The following AKAIN1 variants were observed in gnomAD, a reference collection of about 807,000 sequenced individuals.
AKAIN1 encodes the protein A-kinase anchor inhibitor 1, also known as A-kinase anchor protein inhibitor 1.
In AKAIN1, 3 loss-of-function variants were observed where a neutral mutation model predicts 3.7. The observed-to-expected ratio is 0.82, with a 90% CI of 0.37 to 2.12. The LOEUF is 2.12. Among genes scored for constraint, AKAIN1 ranks in the 30% most tolerant of loss-of-function variants. AKAIN1 has a pLI of 0.06. For missense variants in AKAIN1, 82 were observed against 82.7 expected, an observed-to-expected ratio of 0.99 and a Z score of 0.03; for synonymous variants, 31 against 30.8, an observed-to-expected ratio of 1.01 and a Z score of -0.02.
intron 1 of AKAIN1, among the ~76,000 whole-genome samples, chr18:5,177,478 G>GTA (rs2071233064): frequency 6.6e-6 from 1 of 151,304 alleles, no homozygotes; most frequent in Non-Finnish European, 1.5e-5. Flanking sequence ...TTACATACAT[G>GTA]TTTTCTATTT....
chr18:5,180,338 C>T (rs1323950856), intron 1 of AKAIN1, among the ~76,000 whole-genome samples: 2 of 152,196 alleles, frequency 1.3e-5, no homozygotes, highest in Non-Finnish European at 2.9e-5. Context: ...AGCTCCATTC[C>T]CACCAAGGCT....
At chr18:5,153,911 C>A (rs920228564) in intron 1 of AKAIN1, among the ~76,000 whole-genome samples, 1 of 151,836 alleles carries the variant, frequency 6.6e-6, no homozygotes, top group Non-Finnish European at 1.5e-5. Flanking sequence ...GGGAAGGGGG[C>A]ATATAAGAAA....
chr18:5,165,626 G>A (rs1272508376), intron 1 of AKAIN1, among the ~76,000 whole-genome samples: 2 of 151,936 alleles, frequency 1.3e-5, no homozygotes, highest in Non-Finnish European at 2.9e-5. Flanking sequence ...CGTCAAATAT[G>A]GCCTAAAAGG....
intron 1 of AKAIN1, among the ~76,000 whole-genome samples, chr18:5,184,226 G>A (rs1276672329): frequency 1.3e-5 from 2 of 152,020 alleles, no homozygotes; most frequent in African/African-American, 4.8e-5. Context: ...ATAAATTTTA[G>A]GGAGTAGGCA....
At chr18:5,159,986 A>G (rs956746117) in intron 1 of AKAIN1, among the ~76,000 whole-genome samples, 3 of 152,228 alleles carry the variant, frequency 2.0e-5, no homozygotes, top group Non-Finnish European at 4.4e-5. Context: ...TGAATAGACC[A>G]CAATGTTTCC....
chr18:5,175,709 T>C (rs1452520077), intron 1 of AKAIN1, among the ~76,000 whole-genome samples: 1 of 152,196 alleles, frequency 6.6e-6, no homozygotes, highest in Non-Finnish European at 1.5e-5. Flanking sequence ...ACTCAACTTG[T>C]ACAATTTTAG....
chr18:5,145,780 G>A (rs1402057651), intron 1 of AKAIN1, 25 bp from the exon 2 acceptor site: 10 of 1,536,258 alleles, frequency 6.5e-6, no homozygotes, highest in Non-Finnish European at 8.8e-6. Flanking sequence ...GAAAAGGAGG[G>A]GAAAAGGAGA....
intron 1 of AKAIN1, among the ~76,000 whole-genome samples, chr18:5,176,620 G>C (rs756824851): frequency 6.6e-6 from 1 of 152,076 alleles, no homozygotes; most frequent in African/African-American, 2.4e-5. Context: ...CCCAATGTTT[G>C]GTGTTTTTCT....
At chr18:5,146,352 C>T (rs1304842516) in intron 1 of AKAIN1, among the ~76,000 whole-genome samples, 1 of 152,184 alleles carries the variant, frequency 6.6e-6, no homozygotes, top group Non-Finnish European at 1.5e-5. Context: ...AAGAAGCAGA[C>T]TAATTTTGAA....
At chr18:5,188,325 T>A (rs1472227703) in intron 1 of AKAIN1, among the ~76,000 whole-genome samples, 4 of 152,016 alleles carry the variant, frequency 2.6e-5, no homozygotes, top group African/African-American at 9.7e-5. Context: ...CACTTGGCAT[T>A]GCCCTACTGA....
rs2071038282 is a variant in AKAIN1 at position 5,144,603 on chromosome 18, A to T, written c.*959T>A. ...TATGATTTTCATAATCTCAAAAAAA[A>T]AATTTAATGTGTGAATGGGAAAAGT... On this transcript the variant is annotated 3_prime_UTR_variant, in exon 2 of 2. Transcript: ENST00000434239. Among the ~76,000 whole-genome samples the T allele has an allele frequency of 1.3e-5, 2 of 152,228 alleles. No individual in the cohort carries two copies. Among genetic ancestry groups the T allele is most frequent in the African/African-American group, 4.8e-5 (2 of 41,454 alleles).
intron 1 of AKAIN1, among the ~76,000 whole-genome samples, chr18:5,169,977 A>G (rs1003690190): frequency 3.3e-5 from 5 of 152,126 alleles, no homozygotes; most frequent in Non-Finnish European, 5.9e-5. Flanking sequence ...ACCATTTGAA[A>G]TTCTACACTG....
At chr18:5,168,258 G>A (rs2071177738) in intron 1 of AKAIN1, among the ~76,000 whole-genome samples, 1 of 152,060 alleles carries the variant, frequency 6.6e-6, no homozygotes, top group Non-Finnish European at 1.5e-5. Context: ...GCAGAGCAGA[G>A]GGAAGCAATA....
chr18:5,178,711 A>AC, intron 1 of AKAIN1, among the ~76,000 whole-genome samples: 1 of 152,068 alleles, frequency 6.6e-6, no homozygotes, highest in Non-Finnish European at 1.5e-5. Context: ...GAACTTCTCA[A>AC]CCCAACCACA....
At chr18:5,167,174 T>C (rs1250188155) in intron 1 of AKAIN1, among the ~76,000 whole-genome samples, 3 of 152,110 alleles carry the variant, frequency 2.0e-5, no homozygotes, top group Admixed American at 6.6e-5. Flanking sequence ...ATGGTAAATA[T>C]GGCAGTTCAA....
intron 1 of AKAIN1, among the ~76,000 whole-genome samples, chr18:5,192,377 A>C (rs1395949037): frequency 7.3e-6 from 1 of 136,660 alleles, no homozygotes; most frequent in East Asian, 2.1e-4. Context: ...GCAACCACAC[A>C]GAGCTAATTT....
chr18:5,151,551 T>C (rs1029580898), intron 1 of AKAIN1, among the ~76,000 whole-genome samples: 1 of 152,118 alleles, frequency 6.6e-6, no homozygotes, highest in Non-Finnish European at 1.5e-5. Flanking sequence ...TTAGGTAGAT[T>C]TGAGATGCAG....
At chr18:5,195,802 A>T (rs1473219166) in intron 1 of AKAIN1, among the ~76,000 whole-genome samples, 3 of 152,130 alleles carry the variant, frequency 2.0e-5, no homozygotes, top group Non-Finnish European at 4.4e-5. Flanking sequence ...GCTATATGGA[A>T]CAATTTCCTC....
intron 1 of AKAIN1, among the ~76,000 whole-genome samples, chr18:5,164,056 T>C (rs1483153550): frequency 1.3e-5 from 2 of 152,048 alleles, no homozygotes; most frequent in East Asian, 1.9e-4. Flanking sequence ...TTTGAATATA[T>C]ATCATAGGTA....
Sources: gnomAD v4.1 joint callset for allele counts (sites outside exome capture counted in the v4.1 genomes callset) on GRCh38, gnomAD v4.1.1 for gene constraint, MANE v1.5 for transcripts, NCBI Gene and HGNC (gene_info 2026-07-23, HGNC 2026-07-21) for gene names.